Variants in MARCHF1 observed in about 807,000 individuals in gnomAD.
MARCHF1 encodes E3 ubiquitin-protein ligase MARCHF1.
In MARCHF1, 40 loss-of-function variants were observed where a neutral mutation model predicts 54.2. That is an observed-to-expected ratio of 0.74 (90% CI 0.57 to 0.96). The LOEUF is 0.96. Among genes scored for constraint, MARCHF1 ranks in the 40% least tolerant of loss-of-function variants. The pLI is 0.00. For missense variants in MARCHF1, 586 were observed against 656.5 expected (o/e 0.89, Z 1.17); for synonymous variants, 236 against 236.3 (o/e 1.00, Z 0.01).
At chr4:164,248,084 C>T (rs545346768) in intron 1 of MARCHF1, among the ~76,000 whole-genome samples, 1 of 151,970 alleles carries the variant, frequency 6.6e-6, no homozygotes, top group Non-Finnish European at 1.5e-5. Flanking sequence ...CTTACAACCA[C>T]ACACAAGTCA....
chr4:163,714,850 C>A (rs1745211022), intron 4 of MARCHF1, among the ~76,000 whole-genome samples: 2 of 151,872 alleles, frequency 1.3e-5, no homozygotes, highest in South Asian at 2.1e-4. Context: ...TTTTAAAAAA[C>A]TTTTTATTTT....
At chr4:164,111,273 C>A (rs888600557) in intron 2 of MARCHF1, among the ~76,000 whole-genome samples, 1 of 151,660 alleles carries the variant, frequency 6.6e-6, no homozygotes, top group Non-Finnish European at 1.5e-5. Context: ...ACTATAATTA[C>A]CTATATATTT....
intron 3 of MARCHF1, among the ~76,000 whole-genome samples, chr4:163,924,523 G>T (rs951629521): frequency 2.0e-5 from 3 of 151,984 alleles, no homozygotes; most frequent in African/African-American, 7.2e-5. Context: ...TTGAGCTGCA[G>T]GTGATTTTCA....
intron 8 of MARCHF1, among the ~76,000 whole-genome samples, chr4:163,558,638 G>A (rs907024534): frequency 6.6e-6 from 1 of 152,226 alleles, no homozygotes; most frequent in Non-Finnish European, 1.5e-5. Context: ...CTTGCAGAGA[G>A]CACATGAGGG....
intron 1 of MARCHF1, chr4:164,197,854 A>AAT (rs35492692): frequency 0.23 from 314,288 of 1,396,564 alleles, 38,593 homozygotes; most frequent in Non-Finnish European, 0.25. Context: ...CAAATATTAT[A>AAT]ATAAAGGGAC....
At chr4:163,808,695 A>G (rs1021097278) in intron 4 of MARCHF1, among the ~76,000 whole-genome samples, 16 of 151,938 alleles carry the variant, frequency 1.1e-4, no homozygotes, top group African/African-American at 3.9e-4. Flanking sequence ...CAGCCTCCCA[A>G]GTAGCTGGGA....
rs576158745 is a variant in MARCHF1, at chr4:163,573,155, G to C, written c.1191+12594C>G. Among the ~76,000 whole-genome samples the C allele has an allele frequency of 3.8e-4, 58 of 152,108 alleles. No homozygotes were observed. In the Middle Eastern group the frequency reaches 0.031, roughly 80 times the overall value. ...TTACTTATTTTGCTACACTGATTTT[G>C]TATCCTGACACTTTACTGAAGTTGT... On this transcript the variant is annotated intron_variant, in intron 8 of 9. Coordinates refer to ENST00000514618, the MANE Select transcript of MARCHF1 (RefSeq NM_001394959.1).
rs1216458978 is a variant in MARCHF1, at chr4:163,526,165, T to TATTA, written c.*2579_*2582dup. ...TTTAAAATCCCATGTCCTCTTTTAC[T>TATTA]ATTAATAGAATAATGCTTACCTTTG... On this transcript the variant is annotated 3_prime_UTR_variant, in exon 10 of 10. Transcript: ENST00000514618. 2.6e-5 allele frequency: 4 copies of TATTA among 152,262 alleles called. No individual in the cohort carries two copies. The highest frequency in any genetic ancestry group is 2.6e-4 in the Admixed American group (4 of 15,276). 9.4% of individuals were successfully genotyped at this position (152,262 alleles called of 1,614,324 possible).
intron 3 of MARCHF1, among the ~76,000 whole-genome samples, chr4:163,968,405 G>A (rs982142297): frequency 2.0e-5 from 3 of 152,132 alleles, no homozygotes; most frequent in Admixed American, 6.5e-5. Flanking sequence ...TTCTAAAATC[G>A]GCATTTGGAA....
chr4:164,097,866 G>A (rs922528708), intron 2 of MARCHF1, among the ~76,000 whole-genome samples: 4 of 152,154 alleles, frequency 2.6e-5, no homozygotes, highest in Non-Finnish European at 5.9e-5. Flanking sequence ...TAGGCAGGGT[G>A]AACCAGTGCC....
At chr4:164,219,566 A>G (rs1732031265) in intron 1 of MARCHF1, among the ~76,000 whole-genome samples, 1 of 151,916 alleles carries the variant, frequency 6.6e-6, no homozygotes, top group Non-Finnish European at 1.5e-5. Context: ...ATCCTTCAAT[A>G]TTTCAAACCA....
intron 7 of MARCHF1, among the ~76,000 whole-genome samples, chr4:163,602,848 C>T (rs1433292679): frequency 2.6e-5 from 4 of 151,776 alleles, no homozygotes; most frequent in Admixed American, 2.6e-4. Flanking sequence ...GAATAAGTAA[C>T]AAAAGCTGAA....
chr4:163,841,373 G>A (rs1749332508), intron 4 of MARCHF1, among the ~76,000 whole-genome samples: 1 of 151,932 alleles, frequency 6.6e-6, no homozygotes, highest in South Asian at 2.1e-4. Flanking sequence ...GTAGGGGCTG[G>A]GGTATATGAA....
At chr4:164,195,313 G>T (rs2116114) in intron 1 of MARCHF1, among the ~76,000 whole-genome samples, 22,483 of 151,974 alleles carry the variant, frequency 0.15, 2,239 homozygotes, top group African/African-American at 0.26. Context: ...TTACACGTAA[G>T]ATCTCAGAAT....
intron 3 of MARCHF1, among the ~76,000 whole-genome samples, chr4:163,917,015 C>T (rs1751322282): frequency 6.6e-6 from 1 of 152,122 alleles, no homozygotes; most frequent in Non-Finnish European, 1.5e-5. Context: ...CATCTCCTCC[C>T]CACAACTCCT....
intron 3 of MARCHF1, among the ~76,000 whole-genome samples, chr4:163,931,982 T>G (rs1235581443): frequency 6.6e-6 from 1 of 152,214 alleles, no homozygotes; most frequent in Non-Finnish European, 1.5e-5. Flanking sequence ...TGCAATAAAG[T>G]GAGTCACATT....
chr4:163,837,071 A>C (rs1246333448), intron 4 of MARCHF1, among the ~76,000 whole-genome samples: 2 of 152,210 alleles, frequency 1.3e-5, no homozygotes, highest in African/African-American at 2.4e-5. Flanking sequence ...TAAGAAAGTT[A>C]AGTGCCTAAC....
chr4:164,355,271 G>C (rs1304520891), intron 1 of MARCHF1, among the ~76,000 whole-genome samples: 1 of 67,336 alleles, frequency 1.5e-5, no homozygotes, highest in African/African-American at 5.1e-5. Flanking sequence ...CTACTTTAAA[G>C]TTCATATGGA....
intron 9 of MARCHF1, among the ~76,000 whole-genome samples, chr4:163,533,475 A>AGAGT (rs959790691): frequency 5.9e-5 from 9 of 151,854 alleles, no homozygotes; most frequent in Non-Finnish European, 1.3e-4. Flanking sequence ...TACAACACAA[A>AGAGT]GAGTGAGCCC....
Sources: allele counts gnomAD v4.1 joint callset (sites outside exome capture counted in the v4.1 genomes callset), GRCh38; gene constraint gnomAD v4.1.1; transcripts MANE v1.5; gene names NCBI Gene and HGNC (gene_info 2026-07-23, HGNC 2026-07-21).